The following KIAA1328 variants were observed in gnomAD, a reference collection of about 807,000 sequenced individuals.
KIAA1328 encodes protein hinderin.
In KIAA1328, 52 loss-of-function variants were observed where a neutral mutation model predicts 68.1. The observed-to-expected ratio is 0.76, with a 90% CI of 0.61 to 0.96. The LOEUF (loss-of-function observed/expected upper bound fraction) is 0.96. Ranked by LOEUF, KIAA1328 falls within the 40% of genes least tolerant of loss-of-function variation. KIAA1328 has a pLI of 0.00. For missense variants in KIAA1328, 641 were observed against 677.6 expected, an observed-to-expected ratio of 0.95 and a Z score of 0.60; for synonymous variants, 232 against 239.4, an observed-to-expected ratio of 0.97 and a Z score of 0.28.
At chr18:36,893,053 A>G (rs765302260) in intron 5 of KIAA1328, among the ~76,000 whole-genome samples, 45 of 152,172 alleles carry the variant, frequency 3.0e-4, no homozygotes, top group Non-Finnish European at 5.6e-4. Flanking sequence ...AAAAAAAGTC[A>G]AAATTATTTT....
chr18:37,220,259 T>C (rs1355822389), intron 9 of KIAA1328, among the ~76,000 whole-genome samples: 1 of 152,246 alleles, frequency 6.6e-6, no homozygotes, highest in African/African-American at 2.4e-5. Flanking sequence ...TTCTGTAACA[T>C]ATAAAGATCA....
chr18:36,870,617 G>T (rs961396563), intron 4 of KIAA1328, among the ~76,000 whole-genome samples: 1 of 152,098 alleles, frequency 6.6e-6, no homozygotes, highest in Non-Finnish European at 1.5e-5. Flanking sequence ...TAGAACTTAC[G>T]GAAAGGTTTG....
At chr18:36,912,846 A>T (rs1293933300) in intron 5 of KIAA1328, among the ~76,000 whole-genome samples, 1 of 152,192 alleles carries the variant, frequency 6.6e-6, no homozygotes, top group East Asian at 1.9e-4. Context: ...GAAATTCTGA[A>T]ATTCAGACAG....
chr18:36,853,492 C>T (rs2150852318), intron 4 of KIAA1328, among the ~76,000 whole-genome samples: 1 of 151,692 alleles, frequency 6.6e-6, no homozygotes, highest in South Asian at 2.1e-4. Context: ...AGTGGTTACC[C>T]TGGGGTTTAC....
chr18:37,095,669 A>C (rs959574420), intron 7 of KIAA1328, among the ~76,000 whole-genome samples: 1 of 152,204 alleles, frequency 6.6e-6, no homozygotes, highest in African/African-American at 2.4e-5. Context: ...AACTAAATGA[A>C]ATATGGGCTA....
intron 6 of KIAA1328, among the ~76,000 whole-genome samples, chr18:37,039,508 G>A (rs2055160063): frequency 6.6e-6 from 1 of 151,950 alleles, no homozygotes; most frequent in Non-Finnish European, 1.5e-5. Flanking sequence ...CTCATCCCAG[G>A]TTCAAGCAAT....
chr18:36,894,779 T>C (rs3967207), intron 5 of KIAA1328, among the ~76,000 whole-genome samples: 20,702 of 152,118 alleles, frequency 0.14, 1,761 homozygotes, highest in Admixed American at 0.18. Flanking sequence ...CTCACCTAGG[T>C]GTCCTAAAGT....
At chr18:37,153,124 G>A (rs1407140755) in intron 7 of KIAA1328, among the ~76,000 whole-genome samples, 1 of 152,156 alleles carries the variant, frequency 6.6e-6, no homozygotes, top group African/African-American at 2.4e-5. Context: ...CACTTGGTCC[G>A]ACCAATCTTT....
intron 9 of KIAA1328, chr18:37,193,707 C>T: frequency 2.9e-6 from 2 of 686,530 alleles, no homozygotes; most frequent in Admixed American, 4.2e-5. Context: ...ATTTCATGTC[C>T]AGCTGGGTTA....
intron 4 of KIAA1328, among the ~76,000 whole-genome samples, chr18:36,861,926 C>A (rs986750238): frequency 2.0e-5 from 3 of 152,070 alleles, no homozygotes; most frequent in Non-Finnish European, 4.4e-5. Flanking sequence ...AGCCTTGGCC[C>A]CCAAAAAGTG....
chr18:36,911,101 G>C (rs2049429957), intron 5 of KIAA1328, among the ~76,000 whole-genome samples: 1 of 152,122 alleles, frequency 6.6e-6, no homozygotes, highest in South Asian at 2.1e-4. Flanking sequence ...CCGTTTGGCA[G>C]AAATTCTGAG....
downstream of KIAA1328, chr18:37,230,443 A>G (rs2060659436): frequency 6.6e-6 from 1 of 152,092 alleles, no homozygotes; most frequent in African/African-American, 2.4e-5. Context: ...CCCTCTGTAC[A>G]TCTTTTATCA....
chr18:36,973,494 C>T (rs2052325312), intron 6 of KIAA1328, among the ~76,000 whole-genome samples: 1 of 151,872 alleles, frequency 6.6e-6, no homozygotes, highest in African/African-American at 2.4e-5. Context: ...AAAAATTTTG[C>T]TTTTTATGTT....
chr18:37,003,916 G>A (rs2053680942), intron 6 of KIAA1328, among the ~76,000 whole-genome samples: 1 of 151,984 alleles, frequency 6.6e-6, no homozygotes, highest in Admixed American at 6.6e-5. Flanking sequence ...GTTTATTTCT[G>A]CGTTCTCCAT....
intron 6 of KIAA1328, among the ~76,000 whole-genome samples, chr18:36,973,721 A>G (rs1415514538): frequency 1.3e-5 from 2 of 152,046 alleles, no homozygotes; most frequent in Non-Finnish European, 2.9e-5. Flanking sequence ...TTACAGACAT[A>G]TATTTACTAT....
chr18:37,114,643 A>C (rs2058047334), intron 7 of KIAA1328, among the ~76,000 whole-genome samples: 1 of 152,246 alleles, frequency 6.6e-6, no homozygotes, highest in Non-Finnish European at 1.5e-5. Context: ...AGCAGAAGGC[A>C]AGAAATAACT....
chr18:36,889,668 T>C (rs530504542), intron 5 of KIAA1328, among the ~76,000 whole-genome samples: 14 of 152,356 alleles, frequency 9.2e-5, no homozygotes, highest in Admixed American at 2.6e-4. Flanking sequence ...GCAGGCCTAT[T>C]GGAATTTGAT....
intron 6 of KIAA1328, among the ~76,000 whole-genome samples, chr18:37,066,166 A>G (rs574168257): frequency 9.8e-5 from 15 of 152,342 alleles, no homozygotes; most frequent in African/African-American, 3.1e-4. Context: ...CGCTGACAGA[A>G]CAGACTTACA....
intron 6 of KIAA1328, among the ~76,000 whole-genome samples, chr18:37,051,345 C>T (rs1395696958): frequency 6.6e-6 from 1 of 151,972 alleles, no homozygotes; most frequent in African/African-American, 2.4e-5. Flanking sequence ...TTCAAATAAG[C>T]ACACTCAGAA....
Sources: allele counts gnomAD v4.1 joint callset (sites outside exome capture counted in the v4.1 genomes callset), GRCh38; gene constraint gnomAD v4.1.1; transcripts MANE v1.5; gene names NCBI Gene and HGNC (gene_info 2026-07-23, HGNC 2026-07-21).